Variants in MYH3 observed in about 807,000 individuals in gnomAD.
The protein encoded by MYH3 is myosin heavy chain 3, also known as myosin-3.
MYH3 carries 130 observed loss-of-function variants against 238.0 expected under a neutral mutation model. The ratio of observed to expected loss-of-function variants is 0.55; its 90% confidence interval spans 0.47 to 0.63. The LOEUF (loss-of-function observed/expected upper bound fraction) is 0.63. Among genes scored for constraint, MYH3 ranks in the 30% least tolerant of loss-of-function variants. The pLI, the probability that MYH3 is intolerant of heterozygous loss-of-function variation, is 0.00. For missense variants in MYH3, 1,853 were observed against 2,374.9 expected (o/e 0.78, Z 4.57); for synonymous variants, 880 against 924.1 (o/e 0.95, Z 0.86).
Position 10,629,841 on chromosome 17 carries a change from C to G in MYH3, c.5658+1G>C. Reference sequence around the variant, plus strand: ...CCGCAGTCAGCACCTATCTCACTTACAGCCTCCTCCGCCTGCCTCTTGTAG... The same window carrying G: ...CCGCAGTCAGCACCTATCTCACTTAGAGCCTCCTCCGCCTGCCTCTTGTAG... On this transcript the variant is annotated splice_donor_variant, in intron 39 of 40. Coordinates refer to ENST00000583535, the MANE Select transcript of MYH3 (RefSeq NM_002470.4). LOFTEE classifies it high-confidence loss of function. 1 of 1,614,076 alleles carries G rather than the reference C, an allele frequency of 6.2e-7. No individual in the cohort carries two copies. Among genetic ancestry groups the G allele is most frequent in the South Asian group, 1.1e-5 (1 of 91,086 alleles).
the MYH3 span, among the ~76,000 whole-genome samples, chr17:10,669,704 G>C: frequency 6.6e-6 from 1 of 152,038 alleles, no homozygotes; most frequent in African/African-American, 2.4e-5. Flanking sequence ...AGGAATTTAA[G>C]ACCAGCCCTG....
the MYH3 span, chr17:10,677,558 C>G: frequency 2.0e-5 from 3 of 152,246 alleles, no homozygotes; most frequent in East Asian, 5.8e-4. Flanking sequence ...GGATCTTATG[C>G]AGACGCATTT....
intron 5 of MYH3, among the ~76,000 whole-genome samples, chr17:10,650,622 GA>G (rs1383168695): frequency 7.9e-5 from 12 of 152,152 alleles, no homozygotes; most frequent in African/African-American, 2.9e-4. Flanking sequence ...GGTACAACAT[GA>G]TGATTTGATA....
chr17:10,668,130 C>G, the MYH3 span, among the ~76,000 whole-genome samples: 158 of 152,334 alleles, frequency 1.0e-3, 3 homozygotes, highest in Middle Eastern at 0.017. Flanking sequence ...TGCGGCGGCT[C>G]ACGCCTATAA....
At chr17:10,649,147 T>C (rs2142417650) in intron 7 of MYH3, among the ~76,000 whole-genome samples, 1 of 152,362 alleles carries the variant, frequency 6.6e-6, no homozygotes, top group African/African-American at 2.4e-5. Context: ...TATTTGGCAC[T>C]ACAGTTGGGG....
chr17:10,669,378 C>T, the MYH3 span, among the ~76,000 whole-genome samples: 2 of 152,074 alleles, frequency 1.3e-5, no homozygotes, highest in South Asian at 4.2e-4. Flanking sequence ...CATGGTGAAA[C>T]CCCATCTCTA....
Position 10,652,581 on chromosome 17 carries a change from C to CA in MYH3, c.205-19dup. 8.3e-7 allele frequency: 1 copy of CA among 1,204,410 alleles called. No homozygotes were observed. Among genetic ancestry groups the CA allele is most frequent in the Non-Finnish European group, 1.2e-6 (1 of 840,970 alleles). The allele number at this position is 1,204,410 out of a possible 1,614,324, so 74.6% of individuals were successfully genotyped here. ...ACCAGGGTCTAAAAAGGAAGAGGCA[C>CA]AGTGCTTCACTAAGATGGTCTGCAC... On this transcript the variant is annotated intron_variant, in intron 3 of 40. Transcript: ENST00000583535.
rs546227806 is a variant in MYH3 at position 10,644,420 on chromosome 17, T to C, written c.1341A>G (p.Gln447=). The part of the protein sequence containing the change: ...FLWMVTRINQ[Q]LDTKLPRQHF... ...GTTGTCTTGGAAGCTTCGTATCCAG[T>C]TGCTGGTTAATGCGAGTGACCATCC... The change falls in exon 14 of 41, where the codon CAA becomes CAG. Residue 447 remains glutamine, a synonymous_variant. Coordinates refer to ENST00000583535, the MANE Select transcript of MYH3 (RefSeq NM_002470.4). The C allele has an allele frequency of 8.1e-6, 13 of 1,614,084 alleles. No homozygotes were observed. The South Asian group carries it at 1.2e-4, about 15-fold the overall frequency.
chr17:10,641,211 A>G lies in MYH3; in HGVS notation c.2048-9T>C, dbSNP rs368905775. 2.2e-5 allele frequency: 36 copies of G among 1,613,342 alleles called. No homozygotes were observed. The highest frequency in any genetic ancestry group is 3.0e-5 in the Non-Finnish European group (35 of 1,179,382). On this transcript the variant is annotated splice_polypyrimidine_tract_variant and intron_variant, in intron 18 of 40. Transcript: ENST00000583535. ...GCTGTGTTCCATAGCCCCTGGGAAC[A>G]GAAGCGAGATATCAGCCTTACACAG...
At chr17:10,632,256 C>T (rs918650961) in intron 34 of MYH3, among the ~76,000 whole-genome samples, 3 of 152,172 alleles carry the variant, frequency 2.0e-5, no homozygotes, top group Non-Finnish European at 4.4e-5. Flanking sequence ...GTAGCTGAGA[C>T]CACAGGCTTG....
intron 34 of MYH3, 145 bp downstream of exon 34, chr17:10,632,331 C>G: frequency 1.0e-6 from 1 of 972,752 alleles, no homozygotes; most frequent in Non-Finnish European, 1.6e-6. Context: ...ATTGCCCAGG[C>G]TGGTATCAAA....
intron 17 of MYH3, 63 bp from the exon 18 acceptor site, chr17:10,641,435 A>G (rs2142402384): frequency 1.7e-6 from 2 of 1,176,314 alleles, no homozygotes; most frequent in Middle Eastern, 4.4e-4. Context: ...ACAGAGATCC[A>G]TTGTAATGAA....
chr17:10,634,345 A>G (rs1483799666), intron 31 of MYH3, among the ~76,000 whole-genome samples, 163 bp from the exon 32 acceptor site: 4 of 152,248 alleles, frequency 2.6e-5, no homozygotes, highest in South Asian at 2.1e-4. Flanking sequence ...TGTTCCATAA[A>G]TGTACTCAAG....
In MYH3 at chr17:10,640,176, G is replaced by A. The variant is rs756328691; in HGVS notation, c.2502C>T (p.Phe834=). The change falls in exon 22 of 41, where the codon TTC becomes TTT. Residue 834 remains phenylalanine (F), a synonymous_variant. Transcript: ENST00000583535. ...NVKHWPWMKL[F]FKIKPLLKSA... is the part of the protein sequence containing the mutation. ...TCTTGAGGAGGGGCTTGATCTTGAAGAAGAGTTTCATCCAGGGCCAGTGCT... is the reference window on the plus strand; with the variant it reads ...TCTTGAGGAGGGGCTTGATCTTGAAAAAGAGTTTCATCCAGGGCCAGTGCT... The A allele has an allele frequency of 1.2e-6, 2 of 1,614,204 alleles. No individual in the cohort carries two copies. Among genetic ancestry groups the A allele is most frequent in the Non-Finnish European group, 1.7e-6 (2 of 1,180,038 alleles).
the MYH3 span, among the ~76,000 whole-genome samples, chr17:10,667,514 T>C: frequency 1.3e-5 from 2 of 152,060 alleles, no homozygotes; most frequent in African/African-American, 4.8e-5. Flanking sequence ...AAACCTCATC[T>C]ATACTAAAAT....
the MYH3 span, among the ~76,000 whole-genome samples, chr17:10,671,943 G>A: frequency 6.6e-6 from 1 of 152,110 alleles, no homozygotes; most frequent in Admixed American, 6.6e-5. Context: ...TGTAAACACT[G>A]CTTATATATC....
At chr17:10,653,423 C>G (rs1015813293) in intron 3 of MYH3, among the ~76,000 whole-genome samples, 3 of 152,142 alleles carry the variant, frequency 2.0e-5, no homozygotes, top group South Asian at 2.1e-4. Flanking sequence ...CACCTCTTCC[C>G]CCTTCACCAC....
At chr17:10,634,303 CTTG>C in intron 31 of MYH3, 121 bp from the exon 32 acceptor site, 1 of 1,163,230 alleles carries the variant, frequency 8.6e-7, no homozygotes, top group Non-Finnish European at 1.3e-6. Flanking sequence ...TGCCTGGCTC[CTTG>C]TTGTCGATTA....
intron 33 of MYH3, 49 bp downstream of exon 33, chr17:10,633,542 T>TGGCTCACCATGGCTGC: frequency 6.2e-7 from 1 of 1,608,626 alleles, no homozygotes; most frequent in Non-Finnish European, 8.5e-7. Context: ...TCCCTGGCCG[T>TGGCTCACCATGGCTGC]GGCTCACCAT....
Sources: gnomAD v4.1 joint callset for allele counts (sites outside exome capture counted in the v4.1 genomes callset) on GRCh38, gnomAD v4.1.1 for gene constraint, MANE v1.5 for transcripts, NCBI Gene and HGNC (gene_info 2026-07-23, HGNC 2026-07-21) for gene names.